The following DPYD variants were observed in gnomAD, a reference collection of about 807,000 sequenced individuals.
The protein encoded by DPYD is dihydropyrimidine dehydrogenase, also known as dihydropyrimidine dehydrogenase [NADP(+)].
In DPYD, 109 loss-of-function variants were observed where a neutral mutation model predicts 116.2. The ratio of observed to expected loss-of-function variants is 0.94; its 90% CI spans 0.80 to 1.10. The LOEUF (loss-of-function observed/expected upper bound fraction) is 1.10. Among genes scored for constraint, DPYD ranks in the 50% least tolerant of loss-of-function variants. DPYD has a pLI of 0.00. For missense variants in DPYD, 1,302 were observed against 1,254.5 expected, an observed-to-expected ratio of 1.04 and a Z score of -0.57; for synonymous variants, 440 against 432.0, an observed-to-expected ratio of 1.02 and a Z score of -0.23.
chr1:97,480,111 C>T (rs1318425927), intron 13 of DPYD, among the ~76,000 whole-genome samples: 1 of 152,018 alleles, frequency 6.6e-6, no homozygotes, highest in East Asian at 1.9e-4. Flanking sequence ...TGTGTTGAAA[C>T]TTTTTAAGAA....
chr1:97,650,186 T>C (rs191496521), intron 8 of DPYD, among the ~76,000 whole-genome samples: 1 of 152,212 alleles, frequency 6.6e-6, no homozygotes, highest in African/African-American at 2.4e-5. Flanking sequence ...TTATGTGATG[T>C]GTTGTACTGA....
At position 97,507,785 on chromosome 1, in the gene DPYD, A is replaced by G. The variant is rs897688900; in HGVS notation, c.1740+7941T>C. On this transcript the variant is annotated intron_variant, in intron 13 of 22. Coordinates refer to ENST00000370192, the MANE Select transcript of DPYD (RefSeq NM_000110.4). ...CAAACGCAGGAGCAACTTCCTCTCA[A>G]TTAAGATAATGTGGATTGAAACAAG... is the stretch of plus-strand genomic sequence containing the variant. Among the ~76,000 whole-genome samples the G allele has an allele frequency of 3.9e-5, 6 of 152,050 alleles. No individual in the cohort carries two copies. The East Asian group carries it at 1.2e-3, about 30-fold the overall frequency.
chr1:97,741,270 C>T (rs1224680067), intron 3 of DPYD, among the ~76,000 whole-genome samples: 3 of 152,140 alleles, frequency 2.0e-5, no homozygotes, highest in Non-Finnish European at 4.4e-5. Flanking sequence ...AGTCCCACTT[C>T]CTTCACTCTT....
At position 97,720,947 on chromosome 1, in the gene DPYD, A is replaced by T. The variant is rs1662889256; in HGVS notation, c.483+563T>A. On this transcript the variant is annotated intron_variant, in intron 5 of 22. Coordinates refer to ENST00000370192, the MANE Select transcript of DPYD (RefSeq NM_000110.4). ...AAAGTCTATGGGATAAACAGAAAAA[A>T]AAGTGCTCTCATTTTATTTCCTTAT... The T allele has an allele frequency of 2.5e-6, 4 of 1,604,752 alleles. 1 individual carries two copies. In the South Asian group the frequency reaches 3.4e-5, roughly 14 times the overall value.
chr1:97,492,403 A>G (rs754518472), intron 13 of DPYD, among the ~76,000 whole-genome samples: 2 of 152,136 alleles, frequency 1.3e-5, no homozygotes, highest in Admixed American at 1.3e-4. Context: ...AAATGACTTT[A>G]AGGAAAATCT....
chr1:97,806,914 G>A (rs913025932), intron 3 of DPYD, among the ~76,000 whole-genome samples: 1 of 151,848 alleles, frequency 6.6e-6, no homozygotes, highest in African/African-American at 2.4e-5. Flanking sequence ...ATAATACAGT[G>A]TGTAATCATT....
chr1:97,502,649 C>G (rs1364876554), intron 13 of DPYD, among the ~76,000 whole-genome samples: 1 of 151,902 alleles, frequency 6.6e-6, no homozygotes, highest in Non-Finnish European at 1.5e-5. Context: ...TTTTAGGAAG[C>G]TGGTATACTA....
At chr1:97,785,319 T>C (rs1205462303) in intron 3 of DPYD, among the ~76,000 whole-genome samples, 1 of 152,210 alleles carries the variant, frequency 6.6e-6, no homozygotes, top group Non-Finnish European at 1.5e-5. Context: ...CTCCCTGAGA[T>C]ACAACATGCA....
rs1285615999 is a variant in DPYD, at chr1:97,399,268, A to G, written c.1906-16807T>C. 1.3e-4 allele frequency among the ~76,000 whole-genome samples: 20 copies of G among 151,988 alleles called. 1 individual carries two copies. Among genetic ancestry groups the G allele is most frequent in the African/African-American group, 2.4e-5 (1 of 41,398 alleles). Reference sequence around the variant, plus strand: ...GATCAGATAGTTGTAGATGTGTGGCATTATTTCTGAGGGCTCTGTTCTGTT... The same window carrying G: ...GATCAGATAGTTGTAGATGTGTGGCGTTATTTCTGAGGGCTCTGTTCTGTT... On this transcript the variant is annotated intron_variant, in intron 14 of 22. Coordinates refer to ENST00000370192, the MANE Select transcript of DPYD (RefSeq NM_000110.4).
intron 8 of DPYD, among the ~76,000 whole-genome samples, chr1:97,610,630 T>A (rs1655885882): frequency 6.6e-6 from 1 of 152,042 alleles, no homozygotes; most frequent in African/African-American, 2.4e-5. Flanking sequence ...AAAGCTATCT[T>A]CGTGGACATA....
At chr1:97,704,885 G>T (rs1309821429) in intron 5 of DPYD, among the ~76,000 whole-genome samples, 1 of 151,948 alleles carries the variant, frequency 6.6e-6, no homozygotes, top group Non-Finnish European at 1.5e-5. Flanking sequence ...AGAAGAGAGT[G>T]ACTGAAGTAT....
chr1:97,397,833 G>T (rs567979847), intron 14 of DPYD, among the ~76,000 whole-genome samples: 1 of 152,136 alleles, frequency 6.6e-6, no homozygotes, highest in East Asian at 1.9e-4. Flanking sequence ...CCATGTGCAG[G>T]TTTTTGTGGA....
chr1:97,890,804 T>G (rs892019533), intron 1 of DPYD, among the ~76,000 whole-genome samples: 1 of 151,968 alleles, frequency 6.6e-6, no homozygotes, highest in Non-Finnish European at 1.5e-5. Context: ...TAATCCATAT[T>G]GTGATAAATG....
chr1:97,322,020 T>A (rs1668310206), intron 16 of DPYD, among the ~76,000 whole-genome samples: 1 of 83,496 alleles, frequency 1.2e-5, no homozygotes, highest in Admixed American at 1.6e-4. Context: ...CACTCATAGG[T>A]GGGAATTGAA....
intron 10 of DPYD, among the ~76,000 whole-genome samples, chr1:97,576,459 T>C (rs888696471): frequency 1.3e-5 from 2 of 152,214 alleles, no homozygotes; most frequent in African/African-American, 4.8e-5. Context: ...ACCTCTACAG[T>C]ATCTGTTATT....
At chr1:97,578,574 A>G (rs1455629834) in intron 10 of DPYD, among the ~76,000 whole-genome samples, 1 of 152,220 alleles carries the variant, frequency 6.6e-6, no homozygotes, top group Non-Finnish European at 1.5e-5. Context: ...TGAAATTAGG[A>G]TCTGGCTGAA....
intron 3 of DPYD, among the ~76,000 whole-genome samples, chr1:97,823,993 T>C (rs949327597): frequency 6.6e-6 from 1 of 151,696 alleles, no homozygotes; most frequent in South Asian, 2.1e-4. Context: ...TACTTCATCA[T>C]ATAATAACTT....
chr1:97,306,051 T>A (rs1211847767), intron 17 of DPYD, 126 bp downstream of exon 17: 4 of 1,495,130 alleles, frequency 2.7e-6, no homozygotes, highest in Non-Finnish European at 3.7e-6. Flanking sequence ...AGTGCTCAAC[T>A]GGAAACTTTT....
intron 4 of DPYD, among the ~76,000 whole-genome samples, chr1:97,730,963 T>G (rs1206430948): frequency 6.6e-6 from 1 of 152,084 alleles, no homozygotes; most frequent in East Asian, 1.9e-4. Context: ...AATGAGAATC[T>G]TTAAGTTTGA....
Sources: allele counts gnomAD v4.1 joint callset (sites outside exome capture counted in the v4.1 genomes callset), GRCh38; gene constraint gnomAD v4.1.1; transcripts MANE v1.5; gene names NCBI Gene and HGNC (gene_info 2026-07-23, HGNC 2026-07-21).